The following SUMF1 variants were observed in gnomAD, a reference collection of about 807,000 sequenced individuals.
The protein encoded by SUMF1 is sulfatase modifying factor 1, also known as formylglycine-generating enzyme.
In SUMF1, 48 loss-of-function variants were observed where a neutral mutation model predicts 47.6. The observed-to-expected ratio is 1.01, with a 90% CI of 0.80 to 1.28. The LOEUF (loss-of-function observed/expected upper bound fraction) is 1.28, where lower values mean the gene tolerates loss of function less well. Among genes scored for constraint, SUMF1 ranks in the 50% most tolerant of loss-of-function variants. SUMF1 has a pLI of 0.00. For missense variants in SUMF1, 571 were observed against 485.4 expected, an observed-to-expected ratio of 1.18 and a Z score of -1.66; for synonymous variants, 230 against 192.1, an observed-to-expected ratio of 1.20 and a Z score of -1.63.
chr3:4,213,948 C>T (rs915379321), intron 8 of SUMF1, among the ~76,000 whole-genome samples: 2 of 152,236 alleles, frequency 1.3e-5, no homozygotes, highest in Middle Eastern at 3.4e-3. Flanking sequence ...CAGACTTCCA[C>T]ACGATAATGA....
intron 8 of SUMF1, among the ~76,000 whole-genome samples, chr3:4,095,976 C>G (rs992518055): frequency 6.6e-6 from 1 of 152,074 alleles, no homozygotes; most frequent in Non-Finnish European, 1.5e-5. Flanking sequence ...AACTACATCA[C>G]CACCTGGTAA....
rs368792725 is a variant in SUMF1, at chr3:4,293,797, A to T, written c.1014+82533T>A. On this transcript the variant is annotated intron_variant and NMD_transcript_variant, in intron 8 of 12. Transcript: ENST00000448413. ...ACAACCCTTAGTAAAAACATCTCTC[A>T]AGCTACATAATGCCCTTCACTATAT... Among the ~76,000 whole-genome samples the T allele has an allele frequency of 5.8e-3, 887 of 152,318 alleles. 4 individuals are homozygous for T. The highest frequency in any genetic ancestry group is 0.031 in the Middle Eastern group (9 of 292).
At chr3:4,117,297 G>A (rs1693442847) in intron 8 of SUMF1, among the ~76,000 whole-genome samples, 2 of 151,834 alleles carry the variant, frequency 1.3e-5, no homozygotes, top group South Asian at 4.2e-4. Flanking sequence ...ATAGGGCCAT[G>A]GACCTCCCTT....
At chr3:4,081,071 G>C (rs753430544) in intron 8 of SUMF1, among the ~76,000 whole-genome samples, 6 of 152,256 alleles carry the variant, frequency 3.9e-5, no homozygotes, top group Admixed American at 2.0e-4. Flanking sequence ...CAGGTTTCAA[G>C]ACAAAGGTGA....
intron 3 of SUMF1, among the ~76,000 whole-genome samples, chr3:4,444,843 T>C (rs892665465): frequency 2.6e-5 from 4 of 152,112 alleles, no homozygotes; most frequent in Non-Finnish European, 5.9e-5. Flanking sequence ...CTAGACAGGG[T>C]CCTCGAAATA....
intron 9 of SUMF1, among the ~76,000 whole-genome samples, chr3:4,064,800 GAGA>G (rs1283182732): frequency 6.6e-6 from 1 of 152,126 alleles, no homozygotes; most frequent in Non-Finnish European, 1.5e-5. Flanking sequence ...CTGCAGTCCT[GAGA>G]AGGAGTACGC....
chr3:4,391,601 G>C (rs1203322887), intron 7 of SUMF1, among the ~76,000 whole-genome samples: 1 of 151,982 alleles, frequency 6.6e-6, no homozygotes, highest in African/African-American at 2.4e-5. Flanking sequence ...TTCCACCTAA[G>C]CTTCCTGAGT....
intron 7 of SUMF1, among the ~76,000 whole-genome samples, chr3:4,376,995 C>G (rs1700349442): frequency 6.6e-6 from 1 of 152,014 alleles, no homozygotes; most frequent in South Asian, 2.1e-4. Flanking sequence ...GAGACAGGGT[C>G]TCGCTATATT....
chr3:4,161,264 T>C (rs950198842), intron 8 of SUMF1, among the ~76,000 whole-genome samples: 2 of 152,170 alleles, frequency 1.3e-5, no homozygotes, highest in African/African-American at 2.4e-5. Context: ...GAAACTACAC[T>C]GGGTCAGACA....
intron 8 of SUMF1, among the ~76,000 whole-genome samples, chr3:4,125,195 T>C (rs1693628933): frequency 6.6e-6 from 1 of 152,096 alleles, no homozygotes; most frequent in South Asian, 2.1e-4. Context: ...CATGTGGATA[T>C]TTAAATTTAA....
chr3:4,331,191 G>GT (rs1475622316), intron 8 of SUMF1, among the ~76,000 whole-genome samples: 1 of 149,782 alleles, frequency 6.7e-6, no homozygotes, highest in East Asian at 2.0e-4. Context: ...TATTTGTGTA[G>GT]TTTTATCTGT....
At chr3:4,455,246 T>C (rs1703115701) in intron 1 of SUMF1, among the ~76,000 whole-genome samples, 2 of 152,150 alleles carry the variant, frequency 1.3e-5, no homozygotes, top group African/African-American at 4.8e-5. Context: ...AAGGGTTCAA[T>C]ATCACAGAAT....
intron 8 of SUMF1, among the ~76,000 whole-genome samples, chr3:4,133,284 G>T (rs1001026961): frequency 6.6e-6 from 1 of 152,092 alleles, no homozygotes; most frequent in Non-Finnish European, 1.5e-5. Flanking sequence ...TTGGGTTGGG[G>T]ATTAGTGTGT....
chr3:4,074,032 A>G (rs182897078), intron 8 of SUMF1, among the ~76,000 whole-genome samples: 3 of 147,724 alleles, frequency 2.0e-5, no homozygotes, highest in Admixed American at 6.6e-5. Flanking sequence ...TCAACAGAAT[A>G]TACATTCTTC....
At chr3:4,148,336 G>C (rs1040394312) in intron 8 of SUMF1, among the ~76,000 whole-genome samples, 16 of 152,202 alleles carry the variant, frequency 1.1e-4, no homozygotes, top group East Asian at 5.8e-4. Flanking sequence ...GTGTTTCATG[G>C]ATTGTTTTAT....
chr3:4,204,554 T>A (rs1428830552), intron 8 of SUMF1, among the ~76,000 whole-genome samples: 1 of 152,152 alleles, frequency 6.6e-6, no homozygotes, highest in African/African-American at 2.4e-5. Flanking sequence ...TATTATCTCT[T>A]TGAATAAATT....
intron 8 of SUMF1, among the ~76,000 whole-genome samples, chr3:4,234,401 C>A (rs1454602871): frequency 6.6e-6 from 1 of 152,040 alleles, no homozygotes; most frequent in Non-Finnish European, 1.5e-5. Context: ...TAAATGTTTT[C>A]TTTCATGTTT....
At chr3:4,332,850 C>G (rs1699076492) in intron 8 of SUMF1, among the ~76,000 whole-genome samples, 1 of 152,084 alleles carries the variant, frequency 6.6e-6, no homozygotes, top group East Asian at 1.9e-4. Context: ...TGCCTTTTGG[C>G]CCACCATGCC....
At chr3:4,056,345 T>C (rs1695191229) in intron 9 of SUMF1, among the ~76,000 whole-genome samples, 1 of 152,122 alleles carries the variant, frequency 6.6e-6, no homozygotes, top group African/African-American at 2.4e-5. Flanking sequence ...TCATACAGTA[T>C]GAAATAAATC....
Sources: gnomAD v4.1 joint callset for allele counts (sites outside exome capture counted in the v4.1 genomes callset) on GRCh38, gnomAD v4.1.1 for gene constraint, MANE v1.5 for transcripts, NCBI Gene and HGNC (gene_info 2026-07-23, HGNC 2026-07-21) for gene names.